ARHGEF3: variants seen among roughly 807,000 people sequenced by gnomAD.
The protein encoded by ARHGEF3 is Rho guanine nucleotide exchange factor 3.
ARHGEF3 carries 28 observed loss-of-function variants against 63.2 expected under a neutral mutation model. The ratio of observed to expected loss-of-function variants is 0.44; its 90% CI spans 0.33 to 0.61. ARHGEF3 has a LOEUF of 0.61. ARHGEF3 is among the 20% of genes least tolerant of loss of function. The pLI, the probability that ARHGEF3 is intolerant of heterozygous loss-of-function variation, is 0.03. For synonymous variants in ARHGEF3, 266 were observed against 254.2 expected (o/e 1.05, Z -0.44); for missense variants, 533 against 659.3 (o/e 0.81, Z 2.10).
At chr3:57,057,056 G>A (rs543206495) in intron 1 of ARHGEF3, among the ~76,000 whole-genome samples, 16 of 151,828 alleles carry the variant, frequency 1.1e-4, no homozygotes, top group Non-Finnish European at 2.2e-4. Context: ...CTGTAGTCCC[G>A]TTATGATCCT....
At chr3:56,897,709 G>A (rs1368700531) in intron 3 of ARHGEF3, among the ~76,000 whole-genome samples, 1 of 150,910 alleles carries the variant, frequency 6.6e-6, no homozygotes, top group African/African-American at 2.4e-5. Context: ...TGGGACTACA[G>A]GCATGCACCA....
At chr3:56,904,291 A>G (rs1305689806) in intron 3 of ARHGEF3, among the ~76,000 whole-genome samples, 1 of 152,126 alleles carries the variant, frequency 6.6e-6, no homozygotes, top group African/African-American at 2.4e-5. Context: ...TTTGGCCCCC[A>G]AAGTGTTGGG....
intron 2 of ARHGEF3, among the ~76,000 whole-genome samples, chr3:56,967,384 CATATTATATATTATATAAT>C (rs1344184064): frequency 3.7e-4 from 14 of 37,628 alleles, no homozygotes; most frequent in African/African-American, 1.3e-3. Context: ...ATATATTATA[CATATTATATATTATATAAT>C]ATATTATATA....
chr3:56,757,185 G>C (rs111742282), intron 2 of ARHGEF3, among the ~76,000 whole-genome samples: 1,723 of 152,294 alleles, frequency 0.011, 29 homozygotes, highest in African/African-American at 0.038. Flanking sequence ...TAAATAAGTT[G>C]TAAGTGGCTG....
intron 3 of ARHGEF3, among the ~76,000 whole-genome samples, chr3:56,948,791 C>A (rs1417099420): frequency 6.6e-6 from 1 of 151,870 alleles, no homozygotes; most frequent in Non-Finnish European, 1.5e-5. Context: ...AGGCCAGCAT[C>A]ATCCTGATAC....
intron 1 of ARHGEF3, among the ~76,000 whole-genome samples, chr3:56,797,873 C>A (rs995884873): frequency 1.3e-5 from 2 of 152,208 alleles, no homozygotes; most frequent in Non-Finnish European, 1.5e-5. Context: ...TTTTATCCCA[C>A]AAAGGTAAAC....
At chr3:57,038,739 C>G (rs1704060278) in intron 1 of ARHGEF3, among the ~76,000 whole-genome samples, 1 of 152,232 alleles carries the variant, frequency 6.6e-6, no homozygotes, top group Non-Finnish European at 1.5e-5. Context: ...GCCATCGCCT[C>G]AGACCTATAC....
chr3:57,067,816 A>AC (rs1401544376), intron 1 of ARHGEF3, among the ~76,000 whole-genome samples: 3 of 71,674 alleles, frequency 4.2e-5, no homozygotes, highest in African/African-American at 2.0e-4. Flanking sequence ...CGTCTCTACT[A>AC]AAAAAAAAAA....
At position 57,007,426 on chromosome 3, in the gene ARHGEF3, G is replaced by A. The variant is rs557215036; in HGVS notation, c.62+27662C>T. 6 of 1,207,316 alleles carry A rather than the reference G, an allele frequency of 5.0e-6. No homozygotes were observed. The South Asian group carries it at 6.8e-5, about 14-fold the overall frequency. 74.8% of individuals were successfully genotyped at this position (1,207,316 alleles called of 1,614,324 possible). On this transcript the variant is annotated intron_variant, in intron 2 of 12. Coordinates refer to the ARHGEF3 transcript ENST00000338458. ...ATTGATTTTGTTTATTCCAAAATCA[G>A]GCTTGGAAAGTGAGAATTTGGTCTT...
chr3:56,947,888 C>A (rs1370163402), intron 3 of ARHGEF3, among the ~76,000 whole-genome samples: 1 of 152,166 alleles, frequency 6.6e-6, no homozygotes, highest in Non-Finnish European at 1.5e-5. Context: ...GTAAAGCACT[C>A]CTCAGCAAAT....
chr3:56,731,439 G>A (rs983583458), intron 9 of ARHGEF3, among the ~76,000 whole-genome samples: 4 of 151,862 alleles, frequency 2.6e-5, no homozygotes, highest in Non-Finnish European at 4.4e-5. Context: ...GTTGAGACAC[G>A]AGAATTGCTT....
At chr3:56,752,737 C>G (rs1463558457) in intron 4 of ARHGEF3, among the ~76,000 whole-genome samples, 1 of 152,226 alleles carries the variant, frequency 6.6e-6, no homozygotes, top group African/African-American at 2.4e-5. Flanking sequence ...TCTTTGTCCT[C>G]TCTGATCTCC....
At chr3:56,949,602 C>G (rs1162799382) in intron 3 of ARHGEF3, among the ~76,000 whole-genome samples, 1 of 151,790 alleles carries the variant, frequency 6.6e-6, no homozygotes, top group Non-Finnish European at 1.5e-5. Flanking sequence ...CAAGGAGAAC[C>G]ACAAACCACT....
Position 56,864,587 on chromosome 3 carries a change from C to T in ARHGEF3, c.192+17705G>A, listed in dbSNP as rs188665244. Among the ~76,000 whole-genome samples the T allele has an allele frequency of 3.1e-3, 472 of 152,306 alleles. 4 individuals are homozygous for T. The highest frequency in any genetic ancestry group is 6.8e-3 in the Middle Eastern group (2 of 294). ...GCCTCCATAATTGGACTGTAAGTCA[C>T]CAGCACCTTGCCTGGTTTGCTCACC... On this transcript the variant is annotated intron_variant, in intron 4 of 12. Transcript: ENST00000338458.
intron 2 of ARHGEF3, among the ~76,000 whole-genome samples, chr3:56,994,542 A>ATTTCCCTTTTCCCTCTTGGAAAAGGAG (rs1701898335): frequency 1.3e-5 from 2 of 152,146 alleles, no homozygotes. Flanking sequence ...TGGAAAAGGG[A>ATTTCCCTTTTCCCTCTTGGAAAAGGAG]TTTCCCTTTT....
intron 3 of ARHGEF3, among the ~76,000 whole-genome samples, chr3:56,884,939 G>A (rs548247107): frequency 2.4e-4 from 36 of 152,202 alleles, no homozygotes; most frequent in Non-Finnish European, 4.6e-4. Flanking sequence ...TGGTTACAGC[G>A]TAACACTCTG....
intron 4 of ARHGEF3, among the ~76,000 whole-genome samples, chr3:56,832,589 A>G (rs1183713150): frequency 6.6e-6 from 1 of 152,214 alleles, no homozygotes; most frequent in Admixed American, 6.5e-5. Flanking sequence ...GAAAATTATC[A>G]TTAGAGAAAA....
intron 2 of ARHGEF3, among the ~76,000 whole-genome samples, chr3:57,017,813 T>C (rs1007606558): frequency 3.3e-5 from 5 of 152,248 alleles, no homozygotes; most frequent in African/African-American, 1.2e-4. Context: ...AACCAGCCTC[T>C]TTCTACAACA....
upstream of ARHGEF3, among the ~76,000 whole-genome samples, chr3:56,804,856 A>T (rs2037804097): frequency 6.6e-6 from 1 of 152,262 alleles, no homozygotes; most frequent in African/African-American, 2.4e-5. Flanking sequence ...GTAGCCCCTG[A>T]TTAACTATGC....
Sources: allele counts gnomAD v4.1 joint callset (sites outside exome capture counted in the v4.1 genomes callset), GRCh38; gene constraint gnomAD v4.1.1; transcripts MANE v1.5; gene names NCBI Gene and HGNC (gene_info 2026-07-23, HGNC 2026-07-21).